PLCB4: variants seen among roughly 807,000 people sequenced by gnomAD.
PLCB4 encodes 1-phosphatidylinositol 4,5-bisphosphate phosphodiesterase beta-4.
In PLCB4, 77 loss-of-function variants were observed where a neutral mutation model predicts 178.8. The observed-to-expected ratio is 0.43, with a 90% CI of 0.36 to 0.52. PLCB4 has a LOEUF of 0.52. Among genes scored for constraint, PLCB4 ranks in the 20% least tolerant of loss-of-function variants. The probability of loss-of-function intolerance (pLI) is 0.00; values close to 1 mark genes in which losing one functional copy is unlikely to be tolerated. For missense variants in PLCB4, 1,024 were observed against 1,453.4 expected (o/e 0.70, Z 4.80); for synonymous variants, 496 against 490.8 (o/e 1.01, Z -0.14).
intron 2 of PLCB4, among the ~76,000 whole-genome samples, chr20:9,173,156 T>C (rs1340169102): frequency 6.6e-6 from 1 of 152,218 alleles, no homozygotes; most frequent in African/African-American, 2.4e-5. Context: ...GTCTGGGGTG[T>C]AGCGTTGAGC....
intron 2 of PLCB4, among the ~76,000 whole-genome samples, chr20:9,105,374 G>A (rs2091323026): frequency 6.6e-6 from 1 of 152,012 alleles, no homozygotes; most frequent in Non-Finnish European, 1.5e-5. Flanking sequence ...TTTGTTCTTG[G>A]AAAGCCAGAT....
At chr20:9,141,736 CAACA>C (rs2146875024) in intron 2 of PLCB4, among the ~76,000 whole-genome samples, 1 of 152,044 alleles carries the variant, frequency 6.6e-6, no homozygotes, top group South Asian at 2.1e-4. Context: ...GGTCCCAGTG[CAACA>C]ATCAGATAAG....
In PLCB4 at chr20:9,384,299, C is replaced by T; in HGVS notation, c.952C>T (p.Pro318Ser). ...AGAACTTTACCAAGAAATGGACCAT[C>T]CTCTGGCTCACTACTTCATCAGTTC... ...RLELYQEMDH[P>S]LAHYFISSSH... The change falls in exon 14 of 40, where the codon CCT becomes TCT. Residue 318 changes from proline (P) to serine (S), a missense_variant. Physicochemically the swap from Pro to Ser is moderately conservative, Grantham distance 74. Around this residue, in one of 7 missense-constraint regions of PLCB4, gnomAD observed 263 missense variants for 417.4 expected, o/e 0.63. Coordinates refer to ENST00000378473, the MANE Select transcript of PLCB4 (RefSeq NM_001377142.1). 1 of 1,613,934 alleles carries T rather than the reference C, an allele frequency of 6.2e-7. No individual in the cohort carries two copies. Among genetic ancestry groups the T allele is most frequent in the Non-Finnish European group, 8.5e-7 (1 of 1,179,798 alleles).
intron 1 of PLCB4, among the ~76,000 whole-genome samples, chr20:9,094,413 TTTC>T (rs1348928015): frequency 6.6e-6 from 1 of 152,216 alleles, no homozygotes; most frequent in African/African-American, 2.4e-5. Context: ...GCCTAAAGTA[TTTC>T]TTTTTTTTTG....
chr20:9,291,911 C>G (rs938064787), intron 3 of PLCB4, among the ~76,000 whole-genome samples: 1 of 152,114 alleles, frequency 6.6e-6, no homozygotes, highest in African/African-American at 2.4e-5. Flanking sequence ...TATGCATGGT[C>G]TTAGGCTTTA....
At chr20:9,286,454 T>C (rs181471064) in intron 3 of PLCB4, among the ~76,000 whole-genome samples, 277 of 152,190 alleles carry the variant, frequency 1.8e-3, no homozygotes, top group South Asian at 6.2e-3. Flanking sequence ...TTTACTTCAA[T>C]GTTTACATCT....
intron 20 of PLCB4, among the ~76,000 whole-genome samples, chr20:9,402,189 G>A (rs13037904): frequency 6.6e-5 from 10 of 152,162 alleles, no homozygotes; most frequent in African/African-American, 1.4e-4. Context: ...CAAGCAAGTA[G>A]TCAAATAACT....
At chr20:9,400,588 T>C (rs977491150) in intron 19 of PLCB4, among the ~76,000 whole-genome samples, 1 of 152,216 alleles carries the variant, frequency 6.6e-6, no homozygotes, top group Non-Finnish European at 1.5e-5. Flanking sequence ...TCATGCCCTG[T>C]GGTGTGACCA....
intron 3 of PLCB4, among the ~76,000 whole-genome samples, chr20:9,236,589 G>A (rs2093995963): frequency 6.6e-6 from 1 of 152,132 alleles, no homozygotes; most frequent in African/African-American, 2.4e-5. Context: ...CCTGATAATG[G>A]TAACAGATGC....
chr20:9,316,164 G>A (rs1341940643), intron 4 of PLCB4, among the ~76,000 whole-genome samples: 2 of 152,056 alleles, frequency 1.3e-5, no homozygotes, highest in African/African-American at 2.4e-5. Context: ...CTCAAAGTGT[G>A]GTCCCCAAGC....
Position 9,395,505 on chromosome 20 carries a change from G to A in PLCB4, c.1415-18G>A. ...ACCTAGCATCTGTCACCATCTCTTT[G>A]CGTGTTTTTGCTAACAGAACAGCTG... is the stretch of plus-strand genomic sequence containing the variant. On this transcript the variant is annotated intron_variant, in intron 18 of 39. Transcript: ENST00000378473. 6.3e-7 allele frequency: 1 copy of A among 1,576,174 alleles called. No individual in the cohort carries two copies. The highest frequency in any genetic ancestry group is 8.7e-7 in the Non-Finnish European group (1 of 1,145,868).
chr20:9,343,699 C>T (rs67461821), intron 7 of PLCB4, among the ~76,000 whole-genome samples: 10,682 of 152,238 alleles, frequency 0.07, 418 homozygotes, highest in African/African-American at 0.094. Context: ...ATATACCTTT[C>T]TCCTCTACCG....
intron 19 of PLCB4, among the ~76,000 whole-genome samples, chr20:9,399,604 T>A (rs1602385291): frequency 6.6e-6 from 1 of 152,174 alleles, no homozygotes. Flanking sequence ...GCTCCCAGGA[T>A]AGGAGACAAG....
intron 2 of PLCB4, among the ~76,000 whole-genome samples, chr20:9,106,145 G>A (rs2146659963): frequency 6.6e-6 from 1 of 151,976 alleles, no homozygotes; most frequent in South Asian, 2.1e-4. Context: ...ATAAAGTTGT[G>A]GAGTTAAAAT....
rs139948636 is a variant in PLCB4 at position 9,207,863 on chromosome 20, C to T, written c.-78-9527C>T. Among the ~76,000 whole-genome samples, 1,334 of 152,224 alleles carry T rather than the reference C, an allele frequency of 8.8e-3. 26 individuals are homozygous for T. Among genetic ancestry groups the T allele is most frequent in the African/African-American group, 0.03 (1,264 of 41,554 alleles). ...AATCAATTATATTTTTTTCTCTTTC[C>T]TCTTTCAAAATAAAACACAGGGGTA... is the stretch of plus-strand genomic sequence containing the variant. On this transcript the variant is annotated intron_variant, in intron 2 of 39. Transcript: ENST00000378473.
intron 8 of PLCB4, among the ~76,000 whole-genome samples, chr20:9,363,929 TACAGGTGTGGTC>T: frequency 6.6e-6 from 1 of 152,194 alleles, no homozygotes; most frequent in South Asian, 2.1e-4. Flanking sequence ...GGCAGGTGCT[TACAGGTGTGGTC>T]TCTAGGCTAT....
chr20:9,242,360 G>T (rs1056049015), intron 3 of PLCB4, among the ~76,000 whole-genome samples: 1 of 152,164 alleles, frequency 6.6e-6, no homozygotes, highest in Non-Finnish European at 1.5e-5. Flanking sequence ...AGGGGATTTG[G>T]GATAGAAAAC....
At chr20:9,364,627 G>A (rs886392094) in intron 8 of PLCB4, among the ~76,000 whole-genome samples, 1 of 152,106 alleles carries the variant, frequency 6.6e-6, no homozygotes, top group Non-Finnish European at 1.5e-5. Context: ...TCTTTTTTCT[G>A]CTCAGTCTTC....
At chr20:9,315,874 G>A (rs115877238) in intron 4 of PLCB4, among the ~76,000 whole-genome samples, 3,023 of 151,916 alleles carry the variant, frequency 0.02, 100 homozygotes, top group African/African-American at 0.068. Flanking sequence ...CAGAGGTTGC[G>A]GTGAGCTGAA....
Sources: allele counts gnomAD v4.1 joint callset (sites outside exome capture counted in the v4.1 genomes callset), GRCh38; gene constraint gnomAD v4.1.1; regional missense constraint gnomAD v4.1.1; transcripts MANE v1.5; gene names NCBI Gene and HGNC (gene_info 2026-07-23, HGNC 2026-07-21).